MICAL2: variants seen among roughly 807,000 people sequenced by gnomAD.
MICAL2 encodes the protein [F-actin]-monooxygenase MICAL2.
Under a neutral mutation model 127.3 loss-of-function variants are expected in MICAL2, and 77 were observed. The ratio of observed to expected loss-of-function variants is 0.60; its 90% CI spans 0.50 to 0.73. MICAL2 has a LOEUF of 0.73. MICAL2 is among the 30% of genes least tolerant of loss of function. MICAL2 has a pLI of 0.00. For synonymous variants in MICAL2, 570 were observed against 551.1 expected (o/e 1.03, Z -0.48); for missense variants, 1,351 against 1,434.4 (o/e 0.94, Z 0.94).
chr11:12,317,448 AAC>A (rs1225392196), intron 29 of MICAL2, among the ~76,000 whole-genome samples: 1 of 152,222 alleles, frequency 6.6e-6, no homozygotes, highest in Non-Finnish European at 1.5e-5. Flanking sequence ...CAGTCATTCT[AAC>A]ACAGCCAGAG....
At chr11:12,345,131 A>AAAAAAAAAAAAAAAAG (rs1427548449) in intron 32 of MICAL2, among the ~76,000 whole-genome samples, 9 of 151,012 alleles carry the variant, frequency 6.0e-5, no homozygotes, top group African/African-American at 2.2e-4. Flanking sequence ...AAAAAAAGAA[A>AAAAAAAAAAAAAAAAG]AAAGAAAGAA....
chr11:12,352,164 A>G (rs1939060606), intron 33 of MICAL2, among the ~76,000 whole-genome samples: 1 of 152,252 alleles, frequency 6.6e-6, no homozygotes, highest in African/African-American at 2.4e-5. Flanking sequence ...ACCTGACTAC[A>G]AAGCCCTTTT....
intron 29 of MICAL2, among the ~76,000 whole-genome samples, chr11:12,316,330 C>T (rs892157566): frequency 1.3e-5 from 2 of 150,832 alleles, no homozygotes; most frequent in Non-Finnish European, 3.0e-5. Context: ...TTCTTTGTGT[C>T]TTCAATTTCT....
intron 31 of MICAL2, among the ~76,000 whole-genome samples, chr11:12,325,520 G>A (rs1290473221): frequency 1.3e-5 from 2 of 152,294 alleles, no homozygotes; most frequent in Non-Finnish European, 2.9e-5. Flanking sequence ...CTCATGTTCT[G>A]GAGCTGAGAA....
chr11:12,127,887 C>T (rs1222679935), intron 1 of MICAL2, among the ~76,000 whole-genome samples: 2 of 152,166 alleles, frequency 1.3e-5, no homozygotes, highest in African/African-American at 4.8e-5. Flanking sequence ...CACTGTGCTG[C>T]AAGCTCCACA....
At chr11:12,281,429 GGC>G (rs992857282) in intron 2 of MICAL2, among the ~76,000 whole-genome samples, 1 of 152,088 alleles carries the variant, frequency 6.6e-6, no homozygotes, top group African/African-American at 2.4e-5. Context: ...CTCCTGTATG[GGC>G]ACCTCCTTAG....
chr11:12,129,903 G>C (rs1851276775), intron 1 of MICAL2, among the ~76,000 whole-genome samples: 1 of 151,784 alleles, frequency 6.6e-6, no homozygotes, highest in Non-Finnish European at 1.5e-5. Context: ...GTTGAGACAG[G>C]GTCTCCCTGT....
upstream of MICAL2, among the ~76,000 whole-genome samples, chr11:12,271,962 C>T (rs777368743): frequency 3.1e-4 from 47 of 152,150 alleles, no homozygotes; most frequent in Non-Finnish European, 3.1e-4. Flanking sequence ...CTGTCCCTGC[C>T]CTGATGTCTG....
chr11:12,257,399 C>A (rs1014091066), intron 24 of MICAL2, among the ~76,000 whole-genome samples: 3 of 152,192 alleles, frequency 2.0e-5, no homozygotes, highest in Non-Finnish European at 2.9e-5. Context: ...TTTAAAATAA[C>A]CATCATAATG....
chr11:12,256,005 G>A lies in MICAL2; in HGVS notation c.2955+255G>A, dbSNP rs117936733. The A allele has an allele frequency of 9.4e-3, 4,042 of 428,048 alleles. 35 individuals are homozygous for A. The highest frequency in any genetic ancestry group is 0.013 in the Non-Finnish European group (3,193 of 237,528). The allele number at this position is 428,048 out of a possible 1,614,324, so 26.5% of individuals were successfully genotyped here. Reference sequence around the variant, plus strand: ...CCTGCTCTCTGTGGCTTTGGAGAACGGCCTGGTAGAAAGGCCCAGGTGAGG... The same window carrying A: ...CCTGCTCTCTGTGGCTTTGGAGAACAGCCTGGTAGAAAGGCCCAGGTGAGG... On this transcript the variant is annotated intron_variant, in intron 23 of 27. Coordinates refer to ENST00000683283, the MANE Select transcript of MICAL2 (RefSeq NM_001282663.2).
At chr11:12,170,931 G>C (rs1856171666) in intron 3 of MICAL2, among the ~76,000 whole-genome samples, 2 of 152,222 alleles carry the variant, frequency 1.3e-5, no homozygotes, top group African/African-American at 4.8e-5. Context: ...CACAGGGATA[G>C]AGGAGCGAAC....
intron 2 of MICAL2, among the ~76,000 whole-genome samples, chr11:12,286,433 G>C (rs759616700): frequency 6.6e-6 from 1 of 152,220 alleles, no homozygotes; most frequent in Non-Finnish European, 1.5e-5. Context: ...GTGCATGTAC[G>C]TATGTACACA....
chr11:12,152,419 T>C (rs1403310849), intron 2 of MICAL2, among the ~76,000 whole-genome samples: 1 of 151,366 alleles, frequency 6.6e-6, no homozygotes, highest in Non-Finnish European at 1.5e-5. Flanking sequence ...ATCTACTTTG[T>C]GTGGGAGCAA....
chr11:12,163,391 C>G (rs995904698), intron 3 of MICAL2, among the ~76,000 whole-genome samples: 4 of 152,184 alleles, frequency 2.6e-5, no homozygotes, highest in African/African-American at 9.7e-5. Flanking sequence ...GGAATTCCAG[C>G]CGGTGCCAAT....
At position 12,200,249 on chromosome 11, in the gene MICAL2, C is replaced by T. The variant is rs115576144; in HGVS notation, c.265-4001C>T. ...GCAGAAAGGACACAGCTCATGGGAG[C>T]GCGGGGCAGGAGCTTAAAATCTCAT... is the stretch of plus-strand genomic sequence containing the variant. On this transcript the variant is annotated intron_variant, in intron 3 of 27. Coordinates refer to ENST00000683283, the MANE Select transcript of MICAL2 (RefSeq NM_001282663.2). Among the ~76,000 whole-genome samples, 1,427 of 152,240 alleles carry T rather than the reference C, an allele frequency of 9.4e-3. 26 individuals carry two copies. Among genetic ancestry groups the T allele is most frequent in the African/African-American group, 0.033 (1,370 of 41,542 alleles).
chr11:12,324,699 T>C (rs1348437787), intron 31 of MICAL2, among the ~76,000 whole-genome samples: 2 of 152,214 alleles, frequency 1.3e-5, no homozygotes, highest in Admixed American at 1.3e-4. Context: ...GAATGACCAC[T>C]CATGTTAATC....
At chr11:12,265,387 T>A (rs915074316), downstream of MICAL2, among the ~76,000 whole-genome samples, 2 of 152,252 alleles carry the variant, frequency 1.3e-5, no homozygotes, top group African/African-American at 4.8e-5. Context: ...GAAAACCATA[T>A]AATTAAATAT....
intron 3 of MICAL2, among the ~76,000 whole-genome samples, chr11:12,190,434 A>G (rs2134015909): frequency 6.6e-6 from 1 of 152,316 alleles, no homozygotes; most frequent in South Asian, 2.1e-4. Context: ...TGTCACCTCT[A>G]ACTGGCTTTG....
chr11:12,239,352 T>G, intron 16 of MICAL2, 84 bp from the exon 17 acceptor site: 7 of 1,581,252 alleles, frequency 4.4e-6, no homozygotes, highest in Non-Finnish European at 6.1e-6. Context: ...GGGAAGCTAG[T>G]CCCACGTCCT....
Sources: allele counts gnomAD v4.1 joint callset (sites outside exome capture counted in the v4.1 genomes callset), GRCh38; gene constraint gnomAD v4.1.1; transcripts MANE v1.5; gene names NCBI Gene and HGNC (gene_info 2026-07-23, HGNC 2026-07-21).